Variants in HSDL2 observed in about 807,000 individuals in gnomAD.
HSDL2 encodes hydroxysteroid dehydrogenase like 2.
HSDL2 carries 27 observed loss-of-function variants against 46.3 expected under a neutral mutation model. The ratio of observed to expected loss-of-function variants is 0.58; its 90% CI spans 0.43 to 0.80. The LOEUF is 0.80. Ranked by LOEUF, HSDL2 falls within the 30% of genes least tolerant of loss-of-function variation. The pLI, the probability that HSDL2 is intolerant of heterozygous loss-of-function variation, is 0.00. For missense variants in HSDL2, 451 were observed against 502.7 expected, an observed-to-expected ratio of 0.90 and a Z score of 0.98; for synonymous variants, 153 against 163.6, an observed-to-expected ratio of 0.94 and a Z score of 0.50.
rs537909077 is a variant in HSDL2, at chr9:112,402,671, C to T, written c.18-1324C>T. Among the ~76,000 whole-genome samples, 8 of 152,196 alleles carry T rather than the reference C, an allele frequency of 5.3e-5. No homozygotes were observed. The East Asian group carries it at 1.5e-3, about 29-fold the overall frequency. On this transcript the variant is annotated intron_variant, in intron 1 of 10. Coordinates refer to ENST00000398805, the MANE Select transcript of HSDL2 (RefSeq NM_032303.5). The stretch of plus-strand genomic sequence containing the variant: ...GGCGCGGTGGCTCATGCCTGTAATC[C>T]CAGCACTTTGGGAGGCCAAGGCGGG...
chr9:112,445,869 A>G (rs1564127359), intron 8 of HSDL2, among the ~76,000 whole-genome samples: 1 of 152,208 alleles, frequency 6.6e-6, no homozygotes, highest in Non-Finnish European at 1.5e-5. Context: ...ATTCACAGCA[A>G]AACTGAGAAG....
At chr9:112,464,055 A>G (rs1833299409) in intron 10 of HSDL2, among the ~76,000 whole-genome samples, 1 of 151,498 alleles carries the variant, frequency 6.6e-6, no homozygotes, top group Non-Finnish European at 1.5e-5. Flanking sequence ...TTGTCTATTC[A>G]GTCTTTGCTC....
At chr9:112,408,845 C>T (rs886281880) in intron 3 of HSDL2, 62 bp from the exon 4 acceptor site, 16 of 863,744 alleles carry the variant, frequency 1.9e-5, no homozygotes, top group African/African-American at 6.8e-5. Context: ...AGAGAGTAAA[C>T]GCTTTTTTTG....
intron 1 of HSDL2, among the ~76,000 whole-genome samples, chr9:112,396,061 G>A (rs1461110348): frequency 3.3e-5 from 5 of 152,196 alleles, no homozygotes; most frequent in Non-Finnish European, 7.3e-5. Flanking sequence ...CTGAGACCGA[G>A]TCCTGGAACA....
At chr9:112,386,222 A>G (rs1163779148) in intron 1 of HSDL2, among the ~76,000 whole-genome samples, 1 of 152,168 alleles carries the variant, frequency 6.6e-6, no homozygotes, top group Non-Finnish European at 1.5e-5. Context: ...AGATTTCTGT[A>G]CTTATTTACC....
chr9:112,414,459 T>C (rs1831945750), intron 4 of HSDL2, among the ~76,000 whole-genome samples: 1 of 152,134 alleles, frequency 6.6e-6, no homozygotes, highest in East Asian at 1.9e-4. Context: ...TATCAGTATC[T>C]AAGTGTGGTG....
chr9:112,403,853 C>CAG (rs1831662608), intron 1 of HSDL2, 142 bp from the exon 2 acceptor site: 1 of 717,160 alleles, frequency 1.4e-6, no homozygotes, highest in African/African-American at 1.8e-5. Context: ...GAGTTATCTG[C>CAG]CATCAGATGG....
At chr9:112,464,203 CACACACACAG>C (rs1833304568) in intron 10 of HSDL2, among the ~76,000 whole-genome samples, 3 of 151,596 alleles carry the variant, frequency 2.0e-5, no homozygotes, top group Non-Finnish European at 4.4e-5. Context: ...CCTGCTTCTA[CACACACACAG>C]ACACACACAC....
chr9:112,404,391 G>T (rs939766055), intron 2 of HSDL2, among the ~76,000 whole-genome samples: 2 of 152,100 alleles, frequency 1.3e-5, no homozygotes, highest in African/African-American at 4.8e-5. Context: ...ATGGCGGGGC[G>T]TGGTGACTCA....
chr9:112,382,539 C>G (rs1215758956), intron 1 of HSDL2, among the ~76,000 whole-genome samples: 1 of 152,186 alleles, frequency 6.6e-6, no homozygotes, highest in East Asian at 1.9e-4. Context: ...GGTAATATCT[C>G]AAGACATTTT....
chr9:112,382,998 ATCTT>A (rs1270231519), intron 1 of HSDL2, among the ~76,000 whole-genome samples: 1 of 137,504 alleles, frequency 7.3e-6, no homozygotes, highest in Non-Finnish European at 1.6e-5. Flanking sequence ...TTAAACCGAG[ATCTT>A]TCTTTCTGTC....
rs995310291 is a variant in HSDL2, at chr9:112,472,214, C to T, written c.*1670C>T. 3 of 152,250 alleles carry T rather than the reference C, an allele frequency of 2.0e-5. No homozygotes were observed. The highest frequency in any genetic ancestry group is 4.4e-5 in the Non-Finnish European group (3 of 68,056). 9.4% of individuals were successfully genotyped at this position (152,250 alleles called of 1,614,324 possible). Reference sequence around the variant, plus strand: ...AGGAAGCCCCCTCTGCTTTAATCCACACAAGGAACGTAACCTGAAGTAACC... The same window carrying T: ...AGGAAGCCCCCTCTGCTTTAATCCATACAAGGAACGTAACCTGAAGTAACC... On this transcript the variant is annotated 3_prime_UTR_variant, in exon 11 of 11. Coordinates refer to ENST00000398805, the MANE Select transcript of HSDL2 (RefSeq NM_032303.5).
chr9:112,399,205 G>A (rs1054516665), intron 1 of HSDL2, among the ~76,000 whole-genome samples: 8 of 152,142 alleles, frequency 5.3e-5, no homozygotes, highest in Admixed American at 6.5e-5. Flanking sequence ...CTGGGCTGCC[G>A]GGGGTGACAT....
intron 1 of HSDL2, among the ~76,000 whole-genome samples, chr9:112,391,178 A>AAATAATAATAATAATAATAATAAT (rs57337984): frequency 6.7e-6 from 1 of 149,458 alleles, no homozygotes; most frequent in South Asian, 2.1e-4. Flanking sequence ...TCCATCTCAA[A>AAATAATAATAATAATAATAATAAT]AATAATAATA....
intron 10 of HSDL2, among the ~76,000 whole-genome samples, chr9:112,467,658 G>C (rs1242509626): frequency 6.6e-6 from 1 of 152,162 alleles, no homozygotes; most frequent in African/African-American, 2.4e-5. Flanking sequence ...CTGAGGGCAA[G>C]AGCTTCAAGA....
intron 8 of HSDL2, among the ~76,000 whole-genome samples, chr9:112,446,440 G>A (rs1832762451): frequency 6.6e-6 from 1 of 152,152 alleles, no homozygotes; most frequent in Non-Finnish European, 1.5e-5. Flanking sequence ...CCTGGGCAAT[G>A]TAGCAATAGC....
chr9:112,430,907 C>T (rs1832374275), intron 6 of HSDL2, among the ~76,000 whole-genome samples: 1 of 151,842 alleles, frequency 6.6e-6, no homozygotes, highest in African/African-American at 2.4e-5. Context: ...AAAAAATTAG[C>T]CTGGCATGGT....
At chr9:112,420,406 C>T (rs1832091550) in intron 6 of HSDL2, among the ~76,000 whole-genome samples, 2 of 151,794 alleles carry the variant, frequency 1.3e-5, no homozygotes, top group African/African-American at 4.8e-5. Flanking sequence ...TGTGGTGCCT[C>T]ACTCCTGTAA....
At chr9:112,393,603 A>G (rs1337099796) in intron 1 of HSDL2, among the ~76,000 whole-genome samples, 3 of 152,208 alleles carry the variant, frequency 2.0e-5, no homozygotes, top group Non-Finnish European at 4.4e-5. Flanking sequence ...CAGTGCAGTG[A>G]CTGTAATTAG....
Sources: allele counts gnomAD v4.1 joint callset (sites outside exome capture counted in the v4.1 genomes callset), GRCh38; gene constraint gnomAD v4.1.1; transcripts MANE v1.5; gene names NCBI Gene and HGNC (gene_info 2026-07-23, HGNC 2026-07-21).